Variants in CPNE1 observed in about 807,000 individuals in gnomAD.
CPNE1 encodes copine-1.
CPNE1 carries 58 observed loss-of-function variants against 63.2 expected under a neutral mutation model. The observed-to-expected ratio is 0.92, with a 90% CI of 0.74 to 1.14. The LOEUF (loss-of-function observed/expected upper bound fraction) is 1.14, where lower values mean the gene tolerates loss of function less well. Ranked by LOEUF, CPNE1 falls within the 50% of genes most tolerant of loss-of-function variation. The pLI is 0.00. For synonymous variants in CPNE1, 237 were observed against 249.0 expected, an observed-to-expected ratio of 0.95 and a Z score of 0.45; for missense variants, 672 against 661.7, an observed-to-expected ratio of 1.02 and a Z score of -0.17.
At chr20:35,644,510 C>A (rs2033000925) in intron 1 of CPNE1, among the ~76,000 whole-genome samples, 1 of 152,178 alleles carries the variant, frequency 6.6e-6, no homozygotes, top group Non-Finnish European at 1.5e-5. Flanking sequence ...TAGGTTCATA[C>A]AATCACAGAA....
chr20:35,662,082 A>C (rs2034261259), intron 1 of CPNE1, among the ~76,000 whole-genome samples: 1 of 152,212 alleles, frequency 6.6e-6, no homozygotes, highest in Admixed American at 6.5e-5. Context: ...ATCACTCTTA[A>C]TGAAAAAATT....
At chr20:35,653,794 A>C in intron 1 of CPNE1, 1 of 1,613,940 alleles carries the variant, frequency 6.2e-7, no homozygotes, top group Non-Finnish European at 8.5e-7. Context: ...CTTTTCTAGC[A>C]TACCTTTCTT....
At chr20:35,626,468 G>A in intron 15 of CPNE1, 87 bp from the exon 16 acceptor site, 1 of 1,593,868 alleles carries the variant, frequency 6.3e-7, no homozygotes, top group Non-Finnish European at 8.6e-7. Flanking sequence ...CCATATCCCA[G>A]GCTTAGAGGA....
chr20:35,661,936 AAC>A (rs2034251302), intron 1 of CPNE1, among the ~76,000 whole-genome samples: 1 of 152,224 alleles, frequency 6.6e-6, no homozygotes, highest in Non-Finnish European at 1.5e-5. Flanking sequence ...AGAGATTAGC[AAC>A]AGAGAACCAA....
chr20:35,640,332 T>C (rs1221336845), intron 1 of CPNE1, among the ~76,000 whole-genome samples: 1 of 152,222 alleles, frequency 6.6e-6, no homozygotes, highest in Non-Finnish European at 1.5e-5. Flanking sequence ...AACTACCTAC[T>C]TTAAACCAGA....
At chr20:35,664,016 G>A (rs977419952) in intron 1 of CPNE1, among the ~76,000 whole-genome samples, 7 of 152,306 alleles carry the variant, frequency 4.6e-5, no homozygotes, top group African/African-American at 1.7e-4. Context: ...CCTACTGGGG[G>A]ACCAAAGGCC....
At chr20:35,661,897 A>G (rs1428504456) in intron 1 of CPNE1, among the ~76,000 whole-genome samples, 1 of 152,206 alleles carries the variant, frequency 6.6e-6, no homozygotes, top group Non-Finnish European at 1.5e-5. Flanking sequence ...TTCAGATCCA[A>G]AAGAAACAAA....
chr20:35,647,355 G>A (rs922652828), intron 1 of CPNE1: 6 of 149,834 alleles, frequency 4.0e-5, no homozygotes, highest in Non-Finnish European at 7.4e-5. Context: ...CACAAATTGC[G>A]TGTCATCCTT....
intron 1 of CPNE1, chr20:35,653,206 G>A (rs530423209): frequency 6.2e-7 from 1 of 1,613,388 alleles, no homozygotes; most frequent in Non-Finnish European, 8.5e-7. Flanking sequence ...AGTCAGGAAG[G>A]CATGCTCTTC....
chr20:35,644,063 G>C (rs972851231), intron 1 of CPNE1, among the ~76,000 whole-genome samples: 7 of 151,522 alleles, frequency 4.6e-5, no homozygotes, highest in South Asian at 4.1e-4. Context: ...CACCTGTAAA[G>C]TAGGGATGAT....
chr20:35,653,695 T>A, intron 1 of CPNE1: 3 of 1,614,210 alleles, frequency 1.9e-6, no homozygotes, highest in Non-Finnish European at 2.5e-6. Flanking sequence ...GGCACAGACT[T>A]TGGCAGAGTT....
At chr20:35,658,633 C>G (rs970603659) in intron 1 of CPNE1, among the ~76,000 whole-genome samples, 1 of 151,744 alleles carries the variant, frequency 6.6e-6, no homozygotes, top group African/African-American at 2.4e-5. Context: ...TGGTGGCAGG[C>G]GCCTGTAATC....
intron 13 of CPNE1, among the ~76,000 whole-genome samples, chr20:35,628,280 A>T (rs1276039531): frequency 6.6e-6 from 1 of 151,710 alleles, no homozygotes; most frequent in African/African-American, 2.4e-5. Flanking sequence ...GCAAGACTCC[A>T]TCTCAAAAAA....
intron 1 of CPNE1, chr20:35,650,182 G>A (rs577588239): frequency 4.6e-5 from 7 of 152,624 alleles, no homozygotes; most frequent in Admixed American, 2.6e-4. Context: ...AGTCCACAAC[G>A]AGCACTGTTG....
At chr20:35,642,480 C>A (rs2032867426) in intron 1 of CPNE1, among the ~76,000 whole-genome samples, 1 of 152,198 alleles carries the variant, frequency 6.6e-6, no homozygotes, top group Admixed American at 6.5e-5. Context: ...GAAAGCCAAT[C>A]AGAAAATCCT....
chr20:35,632,776 C>G lies in CPNE1; in HGVS notation c.129+19G>C. ...TCCTAGCCTCCCTCCACAACCTTAACCTCCATAATCCGCCTCACCTCAGCC... is the reference window on the plus strand; with the variant it reads ...TCCTAGCCTCCCTCCACAACCTTAAGCTCCATAATCCGCCTCACCTCAGCC... On this transcript the variant is annotated intron_variant, in intron 2 of 15. Transcript: ENST00000397443. 1 of 871,396 alleles carries G rather than the reference C, an allele frequency of 1.1e-6. No homozygotes were observed. Among genetic ancestry groups the G allele is most frequent in the Non-Finnish European group, 2.0e-6 (1 of 500,956 alleles). The allele number at this position is 871,396 out of a possible 1,614,324, so 54.0% of individuals were successfully genotyped here. A position where few individuals can be genotyped will look rare whatever the true frequency, so the allele number is the denominator to read the frequency against.
intron 1 of CPNE1, among the ~76,000 whole-genome samples, chr20:35,633,723 TG>T (rs1161679883): frequency 6.6e-6 from 1 of 151,810 alleles, no homozygotes; most frequent in Non-Finnish European, 1.5e-5. Flanking sequence ...GAGGCCAAGG[TG>T]GGCAGATCAC....
chr20:35,636,424 AAT>A (rs1328821224), intron 1 of CPNE1, among the ~76,000 whole-genome samples: 1 of 152,236 alleles, frequency 6.6e-6, no homozygotes, highest in African/African-American at 2.4e-5. Context: ...CTATCAACTA[AAT>A]ATGATACATC....
At chr20:35,631,905 A>T in intron 6 of CPNE1, 40 bp downstream of exon 6, 1 of 1,588,890 alleles carries the variant, frequency 6.3e-7, no homozygotes, top group Non-Finnish European at 8.6e-7. Context: ...CCAGGAGATT[A>T]TCTCCTACCC....
Sources: gnomAD v4.1 joint callset for allele counts (sites outside exome capture counted in the v4.1 genomes callset) on GRCh38, gnomAD v4.1.1 for gene constraint, MANE v1.5 for transcripts, NCBI Gene and HGNC (gene_info 2026-07-23, HGNC 2026-07-21) for gene names.